The following TCF12 variants were observed in gnomAD, a reference collection of about 807,000 sequenced individuals.
The protein encoded by TCF12 is transcription factor 12, also known as DNA-binding protein HTF4.
A neutral mutation model predicts 86.0 loss-of-function variants in TCF12; 45 were observed. The ratio of observed to expected loss-of-function variants is 0.52; its 90% CI spans 0.41 to 0.67. The LOEUF is 0.67. Ranked by LOEUF, TCF12 falls within the 30% of genes least tolerant of loss-of-function variation. The probability of loss-of-function intolerance (pLI) is 0.00; values close to 1 mark genes in which losing one functional copy is unlikely to be tolerated. For missense variants in TCF12, 881 were observed against 859.9 expected (o/e 1.02, Z -0.31); for synonymous variants, 330 against 299.6 (o/e 1.10, Z -1.05).
chr15:56,939,789 A>G (rs2060643399), intron 3 of TCF12, among the ~76,000 whole-genome samples: 1 of 152,042 alleles, frequency 6.6e-6, no homozygotes, highest in Non-Finnish European at 1.5e-5. Context: ...CTGAGTGGAG[A>G]CGTGAGGTGT....
At chr15:57,210,229 G>T (rs2058043981) in intron 8 of TCF12, among the ~76,000 whole-genome samples, 1 of 151,672 alleles carries the variant, frequency 6.6e-6, no homozygotes, top group South Asian at 2.1e-4. Context: ...TTGAATAAAT[G>T]AACAAAGGCA....
chr15:57,077,698 C>T (rs1475440745), intron 4 of TCF12, among the ~76,000 whole-genome samples: 1 of 148,942 alleles, frequency 6.7e-6, no homozygotes, highest in East Asian at 2.0e-4. Context: ...TCCCAAAGTG[C>T]TAGGTTCACA....
chr15:57,182,980 T>G (rs2056448035), intron 6 of TCF12, among the ~76,000 whole-genome samples: 1 of 152,176 alleles, frequency 6.6e-6, no homozygotes, highest in South Asian at 2.1e-4. Flanking sequence ...GGAAAGGGCT[T>G]TCTGAGCAGA....
chr15:57,016,368 CAG>C (rs1272846183), intron 3 of TCF12, among the ~76,000 whole-genome samples: 5 of 152,150 alleles, frequency 3.3e-5, no homozygotes, highest in Admixed American at 2.6e-4. Flanking sequence ...AAGGTCAACA[CAG>C]AAACATGAGG....
At chr15:56,922,678 C>T (rs1262827300) in intron 3 of TCF12, among the ~76,000 whole-genome samples, 1 of 152,010 alleles carries the variant, frequency 6.6e-6, no homozygotes, top group African/African-American at 2.4e-5. Context: ...TGAACTTACA[C>T]ACCTGTAGTC....
chr15:57,280,774 C>G (rs899149143), intron 19 of TCF12, among the ~76,000 whole-genome samples: 4 of 152,070 alleles, frequency 2.6e-5, no homozygotes, highest in Non-Finnish European at 4.4e-5. Flanking sequence ...ATCGGCTATG[C>G]CCTCATTTCA....
chr15:57,226,569 A>C (rs191645500), intron 8 of TCF12, among the ~76,000 whole-genome samples: 2 of 152,272 alleles, frequency 1.3e-5, no homozygotes, highest in East Asian at 3.9e-4. Context: ...CAGAAGCCCA[A>C]ACATAGTGAA....
At chr15:57,250,735 AAAAG>A (rs1285975964) in intron 13 of TCF12, among the ~76,000 whole-genome samples, 1 of 151,846 alleles carries the variant, frequency 6.6e-6, no homozygotes, top group African/African-American at 2.4e-5. Flanking sequence ...TCTCAAAAAA[AAAAG>A]AAAAAAAATT....
Position 57,274,942 on chromosome 15 carries a change from A to G in TCF12, c.1978+1680A>G, listed in dbSNP as rs954800994. Among the ~76,000 whole-genome samples the G allele has an allele frequency of 3.3e-5, 5 of 152,324 alleles. No homozygotes were observed. In the South Asian group the frequency reaches 1.0e-3, roughly 32 times the overall value. On this transcript the variant is annotated intron_variant, in intron 19 of 20. Coordinates refer to ENST00000333725, the MANE Select transcript of TCF12 (RefSeq NM_207037.2). ...AATGAGAAATACTTCTGTGATGGAA[A>G]AACACAAACATAAATAAATAAAACA...
chr15:57,123,396 A>T (rs913522551), intron 5 of TCF12, among the ~76,000 whole-genome samples: 1 of 152,232 alleles, frequency 6.6e-6, no homozygotes, highest in African/African-American at 2.4e-5. Flanking sequence ...ACACAGAGTT[A>T]AATAACTTTG....
chr15:57,266,110 T>G (rs1312544564), intron 18 of TCF12, among the ~76,000 whole-genome samples: 1 of 150,036 alleles, frequency 6.7e-6, no homozygotes, highest in African/African-American at 2.4e-5. Flanking sequence ...TATTTATTTA[T>G]TTATTTATTT....
chr15:57,254,286 A>C (rs1010858404), intron 16 of TCF12, among the ~76,000 whole-genome samples: 1 of 152,160 alleles, frequency 6.6e-6, no homozygotes, highest in Non-Finnish European at 1.5e-5. Flanking sequence ...AATTGCCCTA[A>C]ATGCTGAAGG....
chr15:57,185,392 A>C (rs896224318), intron 6 of TCF12, among the ~76,000 whole-genome samples: 1 of 152,206 alleles, frequency 6.6e-6, no homozygotes, highest in Non-Finnish European at 1.5e-5. Flanking sequence ...AATCAGAGGG[A>C]AATTTATTAT....
chr15:57,262,270 C>A, intron 17 of TCF12, 62 bp downstream of exon 17: 1 of 1,163,408 alleles, frequency 8.6e-7, no homozygotes, highest in Non-Finnish European at 1.3e-6. Flanking sequence ...AACACTGTCA[C>A]CTTTCTCACA....
chr15:57,014,421 C>CAA (rs140363284), intron 3 of TCF12, among the ~76,000 whole-genome samples: 2,398 of 145,378 alleles, frequency 0.016, 32 homozygotes, highest in Non-Finnish European at 0.023. Flanking sequence ...AAAATTGACT[C>CAA]AAAAAAAAAA....
intron 5 of TCF12, among the ~76,000 whole-genome samples, chr15:57,160,622 A>T (rs190262528): frequency 1.3e-5 from 2 of 152,276 alleles, no homozygotes; most frequent in Non-Finnish European, 2.9e-5. Flanking sequence ...TTGGTCATCC[A>T]GTAGGCTATA....
intron 5 of TCF12, among the ~76,000 whole-genome samples, chr15:57,098,841 G>A (rs895275680): frequency 2.6e-5 from 4 of 152,150 alleles, no homozygotes; most frequent in African/African-American, 9.7e-5. Context: ...GGACCTAGGG[G>A]TTTAAACAAT....
chr15:57,122,629 A>G (rs1477632964), intron 5 of TCF12, among the ~76,000 whole-genome samples: 4 of 152,230 alleles, frequency 2.6e-5, no homozygotes, highest in Non-Finnish European at 2.9e-5. Flanking sequence ...ATGCTGTGCT[A>G]CTACTATAGT....
chr15:57,071,208 A>T (rs2069344936), intron 4 of TCF12, among the ~76,000 whole-genome samples: 1 of 151,296 alleles, frequency 6.6e-6, no homozygotes, highest in East Asian at 1.9e-4. Context: ...AGAGTTTGAG[A>T]CCAGCCTGGG....
Sources: allele counts gnomAD v4.1 joint callset (sites outside exome capture counted in the v4.1 genomes callset), GRCh38; gene constraint gnomAD v4.1.1; transcripts MANE v1.5; gene names NCBI Gene and HGNC (gene_info 2026-07-23, HGNC 2026-07-21).